PTK2: variants seen among roughly 807,000 people sequenced by gnomAD.
PTK2 encodes focal adhesion kinase 1.
PTK2 carries 45 observed loss-of-function variants against 150.1 expected under a neutral mutation model. The observed-to-expected ratio is 0.30, with a 90% CI of 0.24 to 0.38. The LOEUF (loss-of-function observed/expected upper bound fraction) is 0.38, where lower values mean the gene tolerates loss of function less well. Among genes scored for constraint, PTK2 ranks in the 10% least tolerant of loss-of-function variants. PTK2 has a pLI of 1.00. For missense variants in PTK2, 919 were observed against 1,307.3 expected (o/e 0.70, Z 4.58); for synonymous variants, 432 against 449.2 (o/e 0.96, Z 0.48).
intron 15 of PTK2, among the ~76,000 whole-genome samples, chr8:140,762,747 TA>T (rs1244233532): frequency 2.6e-5 from 4 of 152,162 alleles, no homozygotes; most frequent in Admixed American, 2.6e-4. Context: ...TATGGCTAAT[TA>T]AAAAAGTAAA....
intron 29 of PTK2, 22 bp from the exon 33 acceptor site, chr8:140,669,757 G>A (rs1395123615): frequency 1.3e-6 from 2 of 1,530,774 alleles, no homozygotes; most frequent in African/African-American, 2.7e-5. Flanking sequence ...CGGAAGGTGA[G>A]GAAAAGTTAA....
In PTK2 at chr8:140,820,076, G is replaced by GTTTTTTTTTTTTTTTT. The variant is rs370537018; in HGVS notation, c.649-1072_649-1057dup. 3.2e-4 allele frequency among the ~76,000 whole-genome samples: 16 copies of GTTTTTTTTTTTTTTTT among 50,250 alleles called. 5 individuals carry two copies. Among genetic ancestry groups the GTTTTTTTTTTTTTTTT allele is most frequent in the Non-Finnish European group, 4.6e-4 (11 of 23,964 alleles). 33.0% of individuals were successfully genotyped at this position (50,250 alleles called of 152,430 possible). A position where few individuals can be genotyped will look rare whatever the true frequency, so the allele number is the denominator to read the frequency against. The stretch of plus-strand genomic sequence containing the variant: ...AGAGGAGTGACTTTATCTGACTTTG[G>GTTTTTTTTTTTTTTTT]TTTTTTTTTTTTTTTTTTTTTTTTT... On this transcript the variant is annotated intron_variant, in intron 8 of 31. Coordinates refer to ENST00000522684, the Ensembl canonical transcript of PTK2.
chr8:140,691,669 G>A (rs1272738320), intron 26 of PTK2, among the ~76,000 whole-genome samples: 2 of 152,148 alleles, frequency 1.3e-5, no homozygotes, highest in East Asian at 3.8e-4. Flanking sequence ...CTAGTGAACT[G>A]ATTGTCCATG....
intron 1 of PTK2, among the ~76,000 whole-genome samples, chr8:140,955,399 C>T (rs1186277173): frequency 6.6e-6 from 1 of 152,202 alleles, no homozygotes; most frequent in Non-Finnish European, 1.5e-5. Flanking sequence ...GCTTCCCCTT[C>T]GCTTTCTGCC....
At chr8:140,856,042 CCTA>C (rs1228531027) in intron 5 of PTK2, among the ~76,000 whole-genome samples, 1 of 152,050 alleles carries the variant, frequency 6.6e-6, no homozygotes, top group Non-Finnish European at 1.5e-5. Context: ...AAAAAGGAGA[CCTA>C]CTAACATTCA....
chr8:140,984,396 T>C (rs948544106), intron 1 of PTK2, among the ~76,000 whole-genome samples: 1 of 152,116 alleles, frequency 6.6e-6, no homozygotes, highest in Non-Finnish European at 1.5e-5. Context: ...GCCTAGCTAC[T>C]CCAAGTATGG....
intron 7 of PTK2, among the ~76,000 whole-genome samples, chr8:140,843,328 GTATCTCTCTTCCTGTAAC>G (rs1318402412): frequency 7.2e-5 from 11 of 152,026 alleles, no homozygotes; most frequent in Non-Finnish European, 1.6e-4. Flanking sequence ...TTTCTTTCAA[GTATCTCTCTTCCTGTAAC>G]TCTGTATCCT....
At chr8:140,989,849 G>T (rs554775562) in intron 1 of PTK2, among the ~76,000 whole-genome samples, 1 of 151,642 alleles carries the variant, frequency 6.6e-6, no homozygotes, top group Non-Finnish European at 1.5e-5. Flanking sequence ...CGGAGGTTGC[G>T]GTGAGCCGAG....
intron 12 of PTK2, among the ~76,000 whole-genome samples, chr8:140,795,682 T>A (rs1437912037): frequency 2.0e-5 from 3 of 152,228 alleles, no homozygotes; most frequent in Admixed American, 1.3e-4. Context: ...GTCTGTTTTG[T>A]TTGCTGCTAC....
At chr8:140,659,475 T>G in exon 32 of PTK2, 1 of 1,612,156 alleles carries the variant, frequency 6.2e-7, no homozygotes, top group Non-Finnish European at 8.5e-7. Context: ...CTCAGTGTGG[T>G]CTCGTCTGCC....
intron 2 of PTK2, among the ~76,000 whole-genome samples, chr8:140,912,784 C>T (rs1330676486): frequency 1.3e-5 from 2 of 151,936 alleles, no homozygotes; most frequent in Non-Finnish European, 2.9e-5. Context: ...TATGGTGAAA[C>T]TTTGTCTATA....
At chr8:140,848,426 G>C (rs893166767) in intron 5 of PTK2, among the ~76,000 whole-genome samples, 8 of 146,658 alleles carry the variant, frequency 5.5e-5, no homozygotes, top group African/African-American at 2.0e-4. Context: ...TCTAAGGCTG[G>C]GTGCTCAATA....
At chr8:140,862,528 C>T (rs992615534) in intron 5 of PTK2, among the ~76,000 whole-genome samples, 6 of 152,116 alleles carry the variant, frequency 3.9e-5, no homozygotes, top group African/African-American at 1.4e-4. Flanking sequence ...TCTGTATTAT[C>T]GTAAACCCTC....
chr8:140,727,690 T>C (rs936901377), intron 22 of PTK2, among the ~76,000 whole-genome samples: 3 of 152,176 alleles, frequency 2.0e-5, no homozygotes, highest in East Asian at 1.9e-4. Context: ...AGGTTAAACA[T>C]GTTTAAGATG....
At chr8:140,904,430 T>C (rs550949726) in intron 2 of PTK2, among the ~76,000 whole-genome samples, 1 of 152,176 alleles carries the variant, frequency 6.6e-6, no homozygotes, top group South Asian at 2.1e-4. Flanking sequence ...CGCATCGATG[T>C]TCATCAGGCA....
At chr8:140,671,756 A>G (rs9644446) in intron 29 of PTK2, among the ~76,000 whole-genome samples, 4,635 of 113,542 alleles carry the variant, frequency 0.041, 255 homozygotes, top group African/African-American at 0.14. Flanking sequence ...TACTAAAAAT[A>G]CCCAAAAAAA....
At chr8:140,846,054 C>A (rs933357699) in intron 7 of PTK2, among the ~76,000 whole-genome samples, 1 of 152,012 alleles carries the variant, frequency 6.6e-6, no homozygotes, top group Admixed American at 6.6e-5. Context: ...GTTAATGGGC[C>A]ATATACAATG....
intron 27 of PTK2, among the ~76,000 whole-genome samples, chr8:140,682,158 G>A (rs1435543675): frequency 6.6e-6 from 1 of 152,168 alleles, no homozygotes; most frequent in Admixed American, 6.5e-5. Context: ...GGGCCAGGTG[G>A]ATCACTTGAA....
chr8:140,930,578 T>C (rs1035540157), intron 1 of PTK2, among the ~76,000 whole-genome samples: 1 of 152,224 alleles, frequency 6.6e-6, no homozygotes, highest in Non-Finnish European at 1.5e-5. Context: ...ACTATTCTGT[T>C]TCAAATAACT....
Sources: allele counts gnomAD v4.1 joint callset (sites outside exome capture counted in the v4.1 genomes callset), GRCh38; gene constraint gnomAD v4.1.1; transcripts MANE v1.5; gene names NCBI Gene and HGNC (gene_info 2026-07-23, HGNC 2026-07-21).